Variants in FBXO8 observed in about 807,000 individuals in gnomAD.
The protein encoded by FBXO8 is F-box only protein 8.
A neutral mutation model predicts 33.4 loss-of-function variants in FBXO8; 15 were observed. The observed-to-expected ratio is 0.45, with a 90% CI of 0.30 to 0.69. The LOEUF is 0.69. Ranked by LOEUF, FBXO8 falls within the 30% of genes least tolerant of loss-of-function variation. The pLI is 0.08. For synonymous variants in FBXO8, 132 were observed against 131.5 expected, an observed-to-expected ratio of 1.00 and a Z score of -0.02; for missense variants, 274 against 380.3, an observed-to-expected ratio of 0.72 and a Z score of 2.32.
In FBXO8 at chr4:174,247,231, G is replaced by C. The variant is rs1230419017; in HGVS notation, c.457-6013C>G. On this transcript the variant is annotated intron_variant, in intron 3 of 5. Transcript: ENST00000393674. The surrounding 1 kb of genome is among the most constrained non-coding windows in gnomAD (Gnocchi z 4.6). ...TGTGTAACAGTTGGTATCAATAAAA[G>C]TTACATGATGTTTTGTTTTGTTTTA... 6.6e-6 allele frequency among the ~76,000 whole-genome samples: 1 copy of C among 151,974 alleles called. No individual in the cohort carries two copies. Among genetic ancestry groups the C allele is most frequent in the Non-Finnish European group, 1.5e-5 (1 of 67,946 alleles).
rs190837062 is a variant in FBXO8 at position 174,254,096 on chromosome 4, G to T, written c.456+5603C>A. Among the ~76,000 whole-genome samples the T allele has an allele frequency of 6.6e-6, 1 of 152,332 alleles. No homozygotes were observed. The highest frequency in any genetic ancestry group is 2.4e-5 in the African/African-American group (1 of 41,576). ...ACATCTTAGCTGATACATACAGGGA[G>T]AAGTGGGTACTGCAAGAAGCCAGTC... On this transcript the variant is annotated intron_variant, in intron 3 of 5. Transcript: ENST00000393674. The surrounding 1 kb of genome is among the most constrained non-coding windows in gnomAD (Gnocchi z 4.2).
intron 4 of FBXO8, 123 bp downstream of exon 4, chr4:174,240,977 C>T (rs941628660): frequency 3.8e-6 from 2 of 525,442 alleles, no homozygotes; most frequent in African/African-American, 4.0e-5. Flanking sequence ...GGAATCTTTT[C>T]CCTGTCTTTA....
Position 174,265,284 on chromosome 4 carries a change from AGGT to A in FBXO8, c.-8-2187_-8-2185del, listed in dbSNP as rs1736668292. Reference sequence around the variant, plus strand: ...TTACCTAATTAAAAGCTTTTTATTTAGGTATTTACCTAATTAAAAGCTTTTTAT... The same window carrying A: ...TTACCTAATTAAAAGCTTTTTATTTAATTTACCTAATTAAAAGCTTTTTAT... On this transcript the variant is annotated intron_variant, in intron 1 of 5. Transcript: ENST00000393674. The surrounding 1 kb of genome is among the most constrained non-coding windows in gnomAD (Gnocchi z 4.7). Among the ~76,000 whole-genome samples, 2 of 138,524 alleles carry A rather than the reference AGGT, an allele frequency of 1.4e-5. No homozygotes were observed. The highest frequency in any genetic ancestry group is 3.2e-5 in the Non-Finnish European group (2 of 61,848). 90.9% of individuals were successfully genotyped at this position (138,524 alleles called of 152,430 possible).
rs1468548010 is a variant in FBXO8 at position 174,256,921 on chromosome 4, A to G, written c.456+2778T>C. On this transcript the variant is annotated intron_variant, in intron 3 of 5. Transcript: ENST00000393674. This position sits in a 1 kb window ranked among gnomAD's most constrained non-coding sequence, Gnocchi z 4.6. ...TTTAAATCAGGCCAGGGAGTAAAAAAAAAAGAAAATACAGCCAACTCTCAA... is the reference window on the plus strand; with the variant it reads ...TTTAAATCAGGCCAGGGAGTAAAAAGAAAAGAAAATACAGCCAACTCTCAA... Among the ~76,000 whole-genome samples the G allele has an allele frequency of 5.9e-5, 9 of 152,148 alleles. No individual in the cohort carries two copies. Among genetic ancestry groups the G allele is most frequent in the Non-Finnish European group, 1.3e-4 (9 of 68,020 alleles).
chr4:174,268,485 T>A (rs138747483), intron 1 of FBXO8, among the ~76,000 whole-genome samples: 1 of 152,132 alleles, frequency 6.6e-6, no homozygotes, highest in East Asian at 1.9e-4. Flanking sequence ...CAAGCTGGAG[T>A]GCAGTGGCGC....
In FBXO8 at chr4:174,277,486, T is replaced by C. The variant is rs1736985495; in HGVS notation, c.-9+5924A>G. Among the ~76,000 whole-genome samples, 1 of 152,162 alleles carries C rather than the reference T, an allele frequency of 6.6e-6. No individual in the cohort carries two copies. Among genetic ancestry groups the C allele is most frequent in the Admixed American group, 6.5e-5 (1 of 15,280 alleles). ...TGTGCAGACAATAAGTAATGAAGAATGGTTTATATACTATTTGGGCATATA... is the reference window on the plus strand; with the variant it reads ...TGTGCAGACAATAAGTAATGAAGAACGGTTTATATACTATTTGGGCATATA... On this transcript the variant is annotated intron_variant, in intron 1 of 5. Transcript: ENST00000393674. This position sits in a 1 kb window ranked among gnomAD's most constrained non-coding sequence, Gnocchi z 4.9.
At position 174,241,205 on chromosome 4, in the gene FBXO8, A is replaced by C. The variant is rs760766089; in HGVS notation, c.470T>G (p.Phe157Cys). Reference protein sequence around the residue: ...NANPDEGVNYFMSKGILDDSP... With the variant: ...NANPDEGVNYCMSKGILDDSP... The stretch of plus-strand genomic sequence containing the variant: ...ATCATCCAGGATACCCTTGGACATA[A>C]AGTAGTTCACTCCCTAAGGCAGAAA... The change falls in exon 4 of 6, where the codon TTT becomes TGT. Residue 157 changes from phenylalanine (F) to cysteine (C), a missense_variant. This residue lies in a region of FBXO8 where 186 missense variants were observed against 293.4 expected (regional missense o/e 0.63). Transcript: ENST00000393674. This position sits in a 1 kb window ranked among gnomAD's most constrained non-coding sequence, Gnocchi z 4.2. The C allele has an allele frequency of 6.2e-7, 1 of 1,603,048 alleles. No homozygotes were observed. Among genetic ancestry groups the C allele is most frequent in the Admixed American group, 1.7e-5 (1 of 59,282 alleles).
rs887250083 is a variant in FBXO8 at position 174,262,170 on chromosome 4, A to G, written c.329+594T>C. 2.6e-5 allele frequency among the ~76,000 whole-genome samples: 4 copies of G among 152,074 alleles called. No homozygotes were observed. Among genetic ancestry groups the G allele is most frequent in the African/African-American group, 4.8e-5 (2 of 41,428 alleles). ...GTTCAGCAAGTAAATAAAAACAACT[A>G]TTTGTCCCCTTGCTTTCTAATATTT... On this transcript the variant is annotated intron_variant, in intron 2 of 5. Coordinates refer to ENST00000393674, the MANE Select transcript of FBXO8 (RefSeq NM_012180.3). The surrounding 1 kb of genome is among the most constrained non-coding windows in gnomAD (Gnocchi z 4.6).
chr4:174,264,496 G>A (rs767494834), intron 1 of FBXO8, among the ~76,000 whole-genome samples: 1 of 151,946 alleles, frequency 6.6e-6, no homozygotes, highest in Non-Finnish European at 1.5e-5. Flanking sequence ...TAAACCATTG[G>A]CTATTATTTG....
chr4:174,273,183 C>T (rs560962259), intron 1 of FBXO8, among the ~76,000 whole-genome samples: 17 of 151,558 alleles, frequency 1.1e-4, no homozygotes, highest in South Asian at 2.1e-4. Flanking sequence ...GCTACTTAGG[C>T]GGCTGAGGCA....
At position 174,275,343 on chromosome 4, in the gene FBXO8, A is replaced by G. The variant is rs931917315; in HGVS notation, c.-9+8067T>C. On this transcript the variant is annotated intron_variant, in intron 1 of 5. Transcript: ENST00000393674. This position sits in a 1 kb window ranked among gnomAD's most constrained non-coding sequence, Gnocchi z 4.4. The stretch of plus-strand genomic sequence containing the variant: ...GAACTTCATACACACACATATGTAC[A>G]CTGAGTAAAAATAAAACTAGGGGAA... 6.6e-6 allele frequency among the ~76,000 whole-genome samples: 1 copy of G among 152,212 alleles called. No homozygotes were observed. Among genetic ancestry groups the G allele is most frequent in the Non-Finnish European group, 1.5e-5 (1 of 68,038 alleles).
chr4:174,281,183 ATC>A lies in FBXO8; in HGVS notation c.-9+2225_-9+2226del, dbSNP rs1195086579. 6.6e-6 allele frequency among the ~76,000 whole-genome samples: 1 copy of A among 152,068 alleles called. No individual in the cohort carries two copies. The highest frequency in any genetic ancestry group is 6.6e-5 in the Admixed American group (1 of 15,266). On this transcript the variant is annotated intron_variant, in intron 1 of 5. Coordinates refer to ENST00000393674, the MANE Select transcript of FBXO8 (RefSeq NM_012180.3). This position sits in a 1 kb window ranked among gnomAD's most constrained non-coding sequence, Gnocchi z 4.6. Reference sequence around the variant, plus strand: ...TGTGTATTTAACATCTGTCCTTTCCATCTCTTTTTTCCCTATATTCATGACTT... The same window carrying A: ...TGTGTATTTAACATCTGTCCTTTCCATCTTTTTTCCCTATATTCATGACTT...
In FBXO8 at chr4:174,264,844, C is replaced by G. The variant is rs969732385; in HGVS notation, c.-8-1744G>C. Among the ~76,000 whole-genome samples, 9 of 148,492 alleles carry G rather than the reference C, an allele frequency of 6.1e-5. No homozygotes were observed. The East Asian group carries it at 1.8e-3, about 29-fold the overall frequency. On this transcript the variant is annotated intron_variant, in intron 1 of 5. Transcript: ENST00000393674. ...GGAAAATAAAAAGACAAGCCACGGA[C>G]CAGGAGAAAATCTTTGCAAAACACA...
chr4:174,279,380 G>T (rs1328615237), intron 1 of FBXO8, among the ~76,000 whole-genome samples: 1 of 152,114 alleles, frequency 6.6e-6, no homozygotes, highest in African/African-American at 2.4e-5. Context: ...ATAAATGGAA[G>T]TACATCCTGT....
In FBXO8 at chr4:174,253,697, T is replaced by C. The variant is rs1736350088; in HGVS notation, c.456+6002A>G. ...TTATAAGTCTAAGCCAATCATGTAATCTTTCTATTCTATTCGCTAGTGCTC... is the reference window on the plus strand; with the variant it reads ...TTATAAGTCTAAGCCAATCATGTAACCTTTCTATTCTATTCGCTAGTGCTC... On this transcript the variant is annotated intron_variant, in intron 3 of 5. Coordinates refer to ENST00000393674, the MANE Select transcript of FBXO8 (RefSeq NM_012180.3). This position sits in a 1 kb window ranked among gnomAD's most constrained non-coding sequence, Gnocchi z 4.5. Among the ~76,000 whole-genome samples, 1 of 152,234 alleles carries C rather than the reference T, an allele frequency of 6.6e-6. No homozygotes were observed. Among genetic ancestry groups the C allele is most frequent in the Non-Finnish European group, 1.5e-5 (1 of 68,042 alleles).
chr4:174,273,333 A>AAAG lies in FBXO8; in HGVS notation c.-9+10076_-9+10077insCTT, dbSNP rs1553975237. Among the ~76,000 whole-genome samples the AAAG allele has an allele frequency of 2.3e-3, 265 of 116,058 alleles. 10 individuals carry two copies. Among genetic ancestry groups the AAAG allele is most frequent in the Admixed American group, 4.5e-3 (52 of 11,464 alleles). The allele number at this position is 116,058 out of a possible 152,430, so 76.1% of individuals were successfully genotyped here. A position where few individuals can be genotyped will look rare whatever the true frequency, so the allele number is the denominator to read the frequency against. On this transcript the variant is annotated intron_variant, in intron 1 of 5. Coordinates refer to ENST00000393674, the MANE Select transcript of FBXO8 (RefSeq NM_012180.3). ...CAATGTCATAAAAGTTAAAAAAAAA[A>AAAG]AAAAGAAAAGAAAAGAAAAAAGGTG...
rs1735914594 is a variant in FBXO8 at position 174,237,535 on chromosome 4, C to T, written c.837G>A (p.Val279=). The T allele has an allele frequency of 6.2e-7, 1 of 1,613,670 alleles. No individual in the cohort carries two copies. Among genetic ancestry groups the T allele is most frequent in the East Asian group, 2.2e-5 (1 of 44,866 alleles). ...ATTCCCTTTTTGACATTTTATTCTT[C>T]ACATGAGGGCTAGTGAGGTCAATGG... ...LLSIDLTSPH[V]KNKMSKREFI... The change falls in exon 6 of 6, where the codon GTG becomes GTA. Residue 279 remains valine, a synonymous_variant. Transcript: ENST00000393674. The surrounding 1 kb of genome is among the most constrained non-coding windows in gnomAD (Gnocchi z 4.4).
intron 4 of FBXO8, among the ~76,000 whole-genome samples, chr4:174,240,083 G>A (rs1735993017): frequency 7.1e-6 from 1 of 140,588 alleles, no homozygotes; most frequent in South Asian, 2.4e-4. Context: ...GAATGGCAGA[G>A]TTTTAAGTAG....
Position 174,259,753 on chromosome 4 carries a change from T to C in FBXO8, c.402A>G (p.Lys134=). 5 of 1,612,260 alleles carry C rather than the reference T, an allele frequency of 3.1e-6. 1 individual carries two copies. The South Asian group carries it at 5.5e-5, about 18-fold the overall frequency. The change falls in exon 3 of 6, where the codon AAA becomes AAG. Residue 134 remains lysine (K), a synonymous_variant. Transcript: ENST00000393674. The surrounding 1 kb of genome is among the most constrained non-coding windows in gnomAD (Gnocchi z 4.3). ...TGCCTTCATCCAGCTGCATATACAATTTTCTAAAAGAAAATCCTAAAGGTG... is the reference window on the plus strand; with the variant it reads ...TGCCTTCATCCAGCTGCATATACAACTTTCTAAAAGAAAATCCTAAAGGTG... ...KNPPLGFSFR[K]LYMQLDEGSL...
Sources: allele counts gnomAD v4.1 joint callset (sites outside exome capture counted in the v4.1 genomes callset), GRCh38; gene constraint gnomAD v4.1.1; regional missense constraint gnomAD v4.1.1; non-coding constraint Gnocchi (gnomAD v3.1); transcripts MANE v1.5; gene names NCBI Gene and HGNC (gene_info 2026-07-23, HGNC 2026-07-21).